KLHL29: variants seen among roughly 807,000 people sequenced by gnomAD.
KLHL29 encodes kelch like family member 29.
Under a neutral mutation model 80.4 loss-of-function variants are expected in KLHL29, and 21 were observed. The ratio of observed to expected loss-of-function variants is 0.26; its 90% CI spans 0.19 to 0.38. The LOEUF (loss-of-function observed/expected upper bound fraction) is 0.38, where lower values mean the gene tolerates loss of function less well. Ranked by LOEUF, KLHL29 falls within the 10% of genes least tolerant of loss-of-function variation. The pLI is 1.00. For missense variants in KLHL29, 867 were observed against 1,223.9 expected (o/e 0.71, Z 4.35); for synonymous variants, 511 against 526.8 (o/e 0.97, Z 0.41).
chr2:23,466,371 C>T (rs1026392941), intron 1 of KLHL29, among the ~76,000 whole-genome samples: 1 of 152,066 alleles, frequency 6.6e-6, no homozygotes, highest in Non-Finnish European at 1.5e-5. Context: ...CCTTTAGATG[C>T]GTTAAAGCGA....
At chr2:23,532,336 C>A (rs1666517099) in intron 2 of KLHL29, among the ~76,000 whole-genome samples, 1 of 152,232 alleles carries the variant, frequency 6.6e-6, no homozygotes, top group East Asian at 1.9e-4. Flanking sequence ...AGTACATAGA[C>A]AACACCGGCT....
chr2:23,665,400 G>C (rs566151296), intron 5 of KLHL29, among the ~76,000 whole-genome samples: 1 of 152,296 alleles, frequency 6.6e-6, no homozygotes, highest in East Asian at 1.9e-4. Flanking sequence ...TGGGACACTA[G>C]TCATTCAAAT....
rs1474280723 is a variant in KLHL29, at chr2:23,693,371, T to A, written c.1385T>A (p.Ile462Asn). 6.4e-7 allele frequency: 1 copy of A among 1,551,530 alleles called. No individual in the cohort carries two copies. The highest frequency in any genetic ancestry group is 8.7e-7 in the Non-Finnish European group (1 of 1,146,996). The change falls in exon 8 of 14, where the codon ATC becomes AAC. Residue 462 changes from isoleucine to asparagine, a missense_variant. Physicochemically the swap from Ile to Asn is moderately radical, Grantham distance 149. Coordinates refer to ENST00000486442, the MANE Select transcript of KLHL29 (RefSeq NM_052920.2). Reference sequence around the variant, plus strand: ...ATGGCCAAGGCCTTCGCGCTGCAGATCTTCCCCGAGGTGGCCGCCCAGGAG... The same window carrying A: ...ATGGCCAAGGCCTTCGCGCTGCAGAACTTCCCCGAGGTGGCCGCCCAGGAG... ...YHMAKAFALQIFPEVAAQEEI... is the reference protein window; with the variant it reads ...YHMAKAFALQNFPEVAAQEEI...
intron 1 of KLHL29, among the ~76,000 whole-genome samples, chr2:23,405,752 C>T (rs1333752374): frequency 6.6e-6 from 1 of 152,148 alleles, no homozygotes; most frequent in East Asian, 1.9e-4. Context: ...AGCTACAATG[C>T]CGTTGTGAGA....
Position 23,485,629 on chromosome 2 carries a change from T to A in KLHL29, c.-46+9962T>A, listed in dbSNP as rs554309010. On this transcript the variant is annotated intron_variant, in intron 2 of 13. Transcript: ENST00000486442. ...CATTCAAGCCATGTTTAGAAAGGTA[T>A]GTTCCATATTCAGAGGGTCCTCACG... Among the ~76,000 whole-genome samples, 13 of 152,342 alleles carry A rather than the reference T, an allele frequency of 8.5e-5. No individual in the cohort carries two copies. The South Asian group carries it at 2.7e-3, about 32-fold the overall frequency.
At chr2:23,474,555 G>A (rs1664578913) in intron 1 of KLHL29, among the ~76,000 whole-genome samples, 2 of 152,114 alleles carry the variant, frequency 1.3e-5, no homozygotes, top group African/African-American at 4.8e-5. Flanking sequence ...TTCTATCCTT[G>A]AGAAAAATAA....
chr2:23,498,397 AGCTG>A (rs1665333063), intron 2 of KLHL29, among the ~76,000 whole-genome samples: 2 of 152,218 alleles, frequency 1.3e-5, no homozygotes, highest in Admixed American at 1.3e-4. Context: ...CCTGACATCC[AGCTG>A]GCTGTGACAA....
chr2:23,492,167 C>A (rs915160363), intron 2 of KLHL29, among the ~76,000 whole-genome samples: 1 of 152,180 alleles, frequency 6.6e-6, no homozygotes. Flanking sequence ...ATACCACCCA[C>A]GATCACACTC....
intron 2 of KLHL29, among the ~76,000 whole-genome samples, chr2:23,561,184 C>T (rs1318539498): frequency 6.6e-6 from 1 of 152,238 alleles, no homozygotes; most frequent in African/African-American, 2.4e-5. Context: ...GTCTCTGCCT[C>T]TCCATGGCCT....
At chr2:23,410,448 A>G (rs1666836518) in intron 1 of KLHL29, among the ~76,000 whole-genome samples, 1 of 152,088 alleles carries the variant, frequency 6.6e-6, no homozygotes, top group African/African-American at 2.4e-5. Context: ...GGTCAGGTAT[A>G]TTGGAGAAAA....
intron 1 of KLHL29, among the ~76,000 whole-genome samples, chr2:23,442,618 C>T (rs1395076288): frequency 6.6e-6 from 1 of 152,170 alleles, no homozygotes; most frequent in Non-Finnish European, 1.5e-5. Context: ...CTACTTCAGC[C>T]AAGTGAGACT....
In KLHL29 at chr2:23,636,956, G is replaced by A. The variant is rs61743446; in HGVS notation, c.286-2183G>A. Among the ~76,000 whole-genome samples, 747 of 152,262 alleles carry A rather than the reference G, an allele frequency of 4.9e-3. 2 individuals are homozygous for A. The highest frequency in any genetic ancestry group is 0.017 in the African/African-American group (712 of 41,540). ...TACCCTGTCGAGTTGCCAGGCCGGA[G>A]TGTGATTCAGGAGGGGAGAAGCAGT... On this transcript the variant is annotated intron_variant, in intron 3 of 13. Coordinates refer to ENST00000486442, the MANE Select transcript of KLHL29 (RefSeq NM_052920.2).
At position 23,696,210 on chromosome 2, in the gene KLHL29, A is replaced by T; in HGVS notation, c.1924+77A>T. 6.7e-7 allele frequency: 1 copy of T among 1,494,188 alleles called. No homozygotes were observed. The highest frequency in any genetic ancestry group is 1.3e-5 in the South Asian group (1 of 78,924). The allele number at this position is 1,494,188 out of a possible 1,614,324, so 92.6% of individuals were successfully genotyped here. On this transcript the variant is annotated intron_variant, in intron 10 of 13. Transcript: ENST00000486442. The surrounding 1 kb of genome is among the most constrained non-coding windows in gnomAD (Gnocchi z 5.5). ...CTGCTCCCCACGTCAGGGCTGAGGAAGGCCATGGCCCAGAAGTGTCTACTT... is the reference window on the plus strand; with the variant it reads ...CTGCTCCCCACGTCAGGGCTGAGGATGGCCATGGCCCAGAAGTGTCTACTT...
At chr2:23,440,501 T>C (rs890503187) in intron 1 of KLHL29, among the ~76,000 whole-genome samples, 1 of 151,996 alleles carries the variant, frequency 6.6e-6, no homozygotes, top group Non-Finnish European at 1.5e-5. Context: ...ACTAAAGAGC[T>C]TCTGCACAGC....
chr2:23,623,948 G>A (rs765868646), intron 3 of KLHL29, among the ~76,000 whole-genome samples: 6 of 152,200 alleles, frequency 3.9e-5, no homozygotes, highest in Non-Finnish European at 7.3e-5. Context: ...GTGACCTCAA[G>A]TGAATCCATG....
intron 1 of KLHL29, among the ~76,000 whole-genome samples, chr2:23,421,398 G>A (rs186968855): frequency 1.1e-3 from 167 of 152,328 alleles, no homozygotes; most frequent in African/African-American, 3.8e-3. Flanking sequence ...AGTGGAGGCC[G>A]TCTCTGCCTC....
At chr2:23,579,675 T>A in intron 3 of KLHL29, among the ~76,000 whole-genome samples, 1 of 152,172 alleles carries the variant, frequency 6.6e-6, no homozygotes, top group African/African-American at 2.4e-5. Context: ...CTGCCTCCAA[T>A]CTGCCCACTC....
At chr2:23,633,465 A>C (rs994166196) in intron 3 of KLHL29, among the ~76,000 whole-genome samples, 1 of 152,122 alleles carries the variant, frequency 6.6e-6, no homozygotes, top group African/African-American at 2.4e-5. Flanking sequence ...TAAGATACAC[A>C]GTAGTCTGTG....
At chr2:23,464,413 C>CG (rs796219899) in intron 1 of KLHL29, among the ~76,000 whole-genome samples, 44 of 152,250 alleles carry the variant, frequency 2.9e-4, no homozygotes, top group Middle Eastern at 3.4e-3. Flanking sequence ...CAGCTGCCTT[C>CG]GGGGGGGATA....
Sources: allele counts gnomAD v4.1 joint callset (sites outside exome capture counted in the v4.1 genomes callset), GRCh38; gene constraint gnomAD v4.1.1; non-coding constraint Gnocchi (gnomAD v3.1); transcripts MANE v1.5; gene names NCBI Gene and HGNC (gene_info 2026-07-23, HGNC 2026-07-21).